PCSK4: variants seen among roughly 807,000 people sequenced by gnomAD.
The protein encoded by PCSK4 is testicular tissue protein Li 135.
Under a neutral mutation model 80.3 loss-of-function variants are expected in PCSK4, and 64 were observed. That is an observed-to-expected ratio of 0.80 (90% confidence interval 0.65 to 0.98). The LOEUF (loss-of-function observed/expected upper bound fraction) is 0.98, where lower values mean the gene tolerates loss of function less well. Ranked by LOEUF, PCSK4 falls within the 50% of genes least tolerant of loss-of-function variation. The pLI, the probability that PCSK4 is intolerant of heterozygous loss-of-function variation, is 0.00. For missense variants in PCSK4, 1,213 were observed against 1,093.6 expected (o/e 1.11, Z -1.54); for synonymous variants, 561 against 487.6 (o/e 1.15, Z -1.98).
At chr19:1,489,493 T>C (rs1053281368) in intron 2 of PCSK4, 6 of 394,564 alleles carry the variant, frequency 1.5e-5, no homozygotes, top group Middle Eastern at 7.2e-4. Context: ...CTCCATCCCA[T>C]GACCTAGACG....
chr19:1,482,083 G>A, exon 15 of PCSK4: 3 of 1,552,164 alleles, frequency 1.9e-6, no homozygotes, highest in South Asian at 1.2e-5. Context: ...AGCTGGAGCA[G>A]ACCCTCAGCG....
intron 6 of PCSK4, 62 bp from the exon 7 acceptor site, chr19:1,487,375 G>T: frequency 8.9e-7 from 1 of 1,122,860 alleles, no homozygotes; most frequent in Non-Finnish European, 1.2e-6. Context: ...ACCCCAGCCC[G>T]CCCCGCGCCA....
In PCSK4 at chr19:1,482,936, C is replaced by T; in HGVS notation, c.1656G>A (p.Trp552Ter). The T allele has an allele frequency of 6.2e-7, 1 of 1,610,134 alleles. No individual in the cohort carries two copies. The highest frequency in any genetic ancestry group is 8.5e-7 in the Non-Finnish European group (1 of 1,178,416). ...AGCCCTTGTTCTCTAGGCCCAGGGT[C>T]CACACGCCCTGTGGGTTCTCATCCC... Residue 552 changes from tryptophan (W) to a stop codon, truncating the protein, a stop_gained, in exon 13 of 15, where the codon TGG becomes TGA. Transcript: ENST00000300954. LOFTEE classifies it high-confidence loss of function.
chr19:1,488,777 C>T (rs571795344), intron 2 of PCSK4, among the ~76,000 whole-genome samples: 4 of 152,002 alleles, frequency 2.6e-5, no homozygotes, highest in Admixed American at 6.5e-5. Flanking sequence ...GATGGGGTTT[C>T]GCCATGTTGA....
intron 14 of PCSK4, 27 bp downstream of exon 14, chr19:1,482,326 A>T (rs188779353): frequency 7.8e-6 from 12 of 1,535,780 alleles, no homozygotes; most frequent in African/African-American, 5.5e-5. Context: ...GCCTCCCAGC[A>T]GTGGGCCCTG....
In PCSK4 at chr19:1,487,782, C is replaced by A; in HGVS notation, c.593+3G>T. The A allele has an allele frequency of 6.4e-7, 1 of 1,573,236 alleles. No homozygotes were observed. ...CCCCGTGTGCTGTGGGAGCCCTGCT[C>A]ACCGGTTCTCTTTGCTGGGGGTGTA... On this transcript the variant is annotated splice_donor_region_variant and intron_variant, in intron 5 of 14. Transcript: ENST00000300954.
chr19:1,487,719 G>C (rs2084708417), intron 5 of PCSK4, 28 bp from the exon 6 acceptor site: 1 of 1,550,238 alleles, frequency 6.5e-7, no homozygotes, highest in South Asian at 1.2e-5. Context: ...AGGGGCTCCT[G>C]TCACGGCCTC....
At chr19:1,490,497 G>C (rs949190325), upstream of PCSK4, 2 of 522,734 alleles carry the variant, frequency 3.8e-6, no homozygotes, top group Admixed American at 3.8e-5. Context: ...CAGGAGGGGC[G>C]CGAAGATCTA....
At position 1,482,710 on chromosome 19, in the gene PCSK4, C is replaced by T. The variant is rs2084365063; in HGVS notation, c.1696+186G>A. Reference sequence around the variant, plus strand: ...CACCTACATCTCCCGTGTTACCGCACACCTACTGTGTGCCTGTCATTGCAC... The same window carrying T: ...CACCTACATCTCCCGTGTTACCGCATACCTACTGTGTGCCTGTCATTGCAC... On this transcript the variant is annotated intron_variant, in intron 13 of 14. Transcript: ENST00000300954. 5 of 762,760 alleles carry T rather than the reference C, an allele frequency of 6.6e-6. No individual in the cohort carries two copies. The Admixed American group carries it at 1.3e-4, about 20-fold the overall frequency. 47.2% of individuals were successfully genotyped at this position (762,760 alleles called of 1,614,324 possible).
At chr19:1,482,930 C>T (rs1471544775) in exon 13 of PCSK4, 16 of 1,613,476 alleles carry the variant, frequency 9.9e-6, no homozygotes, top group Non-Finnish European at 1.4e-5. Context: ...TCTCTAGGCC[C>T]AGGGTCCACA....
chr19:1,489,908 G>A lies in PCSK4; in HGVS notation c.190-11C>T, dbSNP rs749760357. On this transcript the variant is annotated splice_polypyrimidine_tract_variant and intron_variant, in intron 1 of 14. Transcript: ENST00000300954. ...CCCGTCAGGGAAGATCTGGGGATGTGGGGAAGCGGCCGCACCGATGGGACC... is the reference window on the plus strand; with the variant it reads ...CCCGTCAGGGAAGATCTGGGGATGTAGGGAAGCGGCCGCACCGATGGGACC... 1 of 1,597,918 alleles carries A rather than the reference G, an allele frequency of 6.3e-7. No homozygotes were observed. The highest frequency in any genetic ancestry group is 8.5e-7 in the Non-Finnish European group (1 of 1,173,198).
chr19:1,483,561 C>T, intron 11 of PCSK4, 89 bp downstream of exon 11: 1 of 1,413,740 alleles, frequency 7.1e-7, no homozygotes. Context: ...CGGGGTCCAG[C>T]CCTCGTTTTA....
chr19:1,481,728 G>C (rs767440720), exon 15 of PCSK4: 5 of 1,442,094 alleles, frequency 3.5e-6, no homozygotes, highest in Admixed American at 5.0e-5. Flanking sequence ...GGACCCAGGC[G>C]GGGGCAAGGT....
chr19:1,482,248 C>G, intron 14 of PCSK4, 41 bp from the exon 15 acceptor site: 1 of 1,524,408 alleles, frequency 6.6e-7, no homozygotes. Context: ...CAGCTTGCCA[C>G]CCGCAGCCTG....
chr19:1,482,883 G>A lies in PCSK4; in HGVS notation c.1696+13C>T, dbSNP rs752970826. On this transcript the variant is annotated intron_variant, in intron 13 of 14. Coordinates refer to ENST00000300954, the Ensembl canonical transcript of PCSK4. ...GCCAAGCCCCGCCCACCACAGCCCCGCCCCGCCCTCACCCGTGTTGAAATA... is the reference window on the plus strand; with the variant it reads ...GCCAAGCCCCGCCCACCACAGCCCCACCCCGCCCTCACCCGTGTTGAAATA... 107 of 656,752 alleles carry A rather than the reference G, an allele frequency of 1.6e-4. No individual in the cohort carries two copies. The highest frequency in any genetic ancestry group is 2.7e-4 in the Non-Finnish European group (101 of 373,764). 40.7% of individuals were successfully genotyped at this position (656,752 alleles called of 1,614,324 possible). A position where few individuals can be genotyped will look rare whatever the true frequency, so the allele number is the denominator to read the frequency against.
intron 14 of PCSK4, 68 bp from the exon 15 acceptor site, chr19:1,482,275 CGCCT>C: frequency 1.3e-6 from 2 of 1,528,390 alleles, no homozygotes; most frequent in Non-Finnish European, 1.7e-6. Flanking sequence ...GCCACCCGCC[CGCCT>C]GGGGCCACAT....
At chr19:1,490,376 A>C in exon 1 of PCSK4, 1 of 901,826 alleles carries the variant, frequency 1.1e-6, no homozygotes, top group Non-Finnish European at 1.6e-6. Context: ...GGCCTGCGCA[A>C]ATCCCCTCCC....
rs776576252 is a variant in PCSK4, at chr19:1,483,815, G to A, written c.1273+23C>T. On this transcript the variant is annotated intron_variant, in intron 10 of 14. Transcript: ENST00000300954. ...CTCGCCCCGTGGGCCCCGGGTCCCC[G>A]CCCCCGCCCGGCCCCGCCGCACCTT... The A allele has an allele frequency of 3.2e-5, 48 of 1,487,126 alleles. No homozygotes were observed. The South Asian group carries it at 6.0e-4, about 18-fold the overall frequency. The allele number at this position is 1,487,126 out of a possible 1,614,324, so 92.1% of individuals were successfully genotyped here. A position where few individuals can be genotyped will look rare whatever the true frequency, so the allele number is the denominator to read the frequency against.
rs374448883 is a variant in PCSK4, at chr19:1,483,032, G to A, written c.1572-12C>T. 4.5e-5 allele frequency: 67 copies of A among 1,504,210 alleles called. No individual in the cohort carries two copies. The highest frequency in any genetic ancestry group is 5.4e-5 in the Non-Finnish European group (61 of 1,122,356). The allele number at this position is 1,504,210 out of a possible 1,614,324, so 93.2% of individuals were successfully genotyped here. A position where few individuals can be genotyped will look rare whatever the true frequency, so the allele number is the denominator to read the frequency against. ...TGACGTCCAAGGGTCTGGGACAGAA[G>A]GGTGGGTGGGGGTGGGGGTGTCAAG... On this transcript the variant is annotated splice_polypyrimidine_tract_variant and intron_variant, in intron 12 of 14. Coordinates refer to ENST00000300954, the Ensembl canonical transcript of PCSK4.
Sources: gnomAD v4.1 joint callset for allele counts (sites outside exome capture counted in the v4.1 genomes callset) on GRCh38, gnomAD v4.1.1 for gene constraint, MANE v1.5 for transcripts, NCBI Gene and HGNC (gene_info 2026-07-23, HGNC 2026-07-21) for gene names.